COL4A1: variants seen among roughly 807,000 people sequenced by gnomAD.
COL4A1 encodes collagen alpha-1(IV) chain.
COL4A1 carries 40 observed loss-of-function variants against 216.6 expected under a neutral mutation model. That is an observed-to-expected ratio of 0.18 (90% CI 0.14 to 0.24). The LOEUF is 0.24. COL4A1 is among the 10% of genes least tolerant of loss of function. COL4A1 has a pLI of 1.00. For missense variants in COL4A1, 1,628 were observed against 2,196.8 expected, an observed-to-expected ratio of 0.74 and a Z score of 5.18; for synonymous variants, 839 against 810.7, an observed-to-expected ratio of 1.03 and a Z score of -0.59.
chr13:110,276,068 T>C (rs1258822879), intron 1 of COL4A1, among the ~76,000 whole-genome samples: 1 of 149,558 alleles, frequency 6.7e-6, no homozygotes, highest in Non-Finnish European at 1.5e-5. Flanking sequence ...GGACGGGGGA[T>C]AGTGACGTGT....
intron 28 of COL4A1, 27 bp from the exon 29 acceptor site, chr13:110,181,416 AC>A (rs1007190265): frequency 9.1e-6 from 14 of 1,536,438 alleles, no homozygotes; most frequent in Admixed American, 1.7e-5. Context: ...AAAAAAAAAA[AC>A]AAACAAACAA....
At chr13:110,189,035 T>C (rs1020878708) in intron 24 of COL4A1, among the ~76,000 whole-genome samples, 57 of 152,104 alleles carry the variant, frequency 3.7e-4, no homozygotes, top group Admixed American at 3.0e-3. Flanking sequence ...ACTACATTTG[T>C]TTTTGTTTTT....
At chr13:110,178,770 C>G (rs1272935642) in intron 31 of COL4A1, among the ~76,000 whole-genome samples, 153 bp downstream of exon 31, 1 of 152,184 alleles carries the variant, frequency 6.6e-6, no homozygotes, top group Non-Finnish European at 1.5e-5. Flanking sequence ...AGCAAACAAT[C>G]AAACCTATTT....
At chr13:110,215,923 C>A (rs1880050496) in intron 2 of COL4A1, among the ~76,000 whole-genome samples, 1 of 152,214 alleles carries the variant, frequency 6.6e-6, no homozygotes. Context: ...ACGTTATGAA[C>A]CTGGGACTCA....
Position 110,176,991 on chromosome 13 carries a change from G to A in COL4A1, c.2763C>T (p.Gly921=). 1.2e-6 allele frequency: 2 copies of A among 1,614,082 alleles called. No homozygotes were observed. Among genetic ancestry groups the A allele is most frequent in the Non-Finnish European group, 1.7e-6 (2 of 1,180,028 alleles). ...PGSSGPRGDP[G]LKGDKGDVGL... is the part of the protein sequence containing the mutation. The stretch of plus-strand genomic sequence containing the variant: ...CGACATCCCCCTTATCACCTTTCAA[G>A]CCAGGGTCTCCCCTGGGTCCTGAGG... The change falls in exon 34 of 52, where the codon GGC becomes GGT. Residue 921 remains glycine, a synonymous_variant. Transcript: ENST00000375820.
At chr13:110,163,314 A>G in intron 47 of COL4A1, 149 bp downstream of exon 47, 1 of 735,956 alleles carries the variant, frequency 1.4e-6, no homozygotes, top group Non-Finnish European at 2.5e-6. Context: ...CTTCTATTTG[A>G]TTCTATTTCT....
intron 48 of COL4A1, 89 bp downstream of exon 48, chr13:110,162,141 T>TGCA: frequency 8.1e-7 from 1 of 1,227,548 alleles, no homozygotes; most frequent in Non-Finnish European, 1.2e-6. Flanking sequence ...CTGCCCTCAC[T>TGCA]GCAGCAGCAG....
At chr13:110,195,889 G>C (rs1490362018) in intron 21 of COL4A1, among the ~76,000 whole-genome samples, 2 of 152,102 alleles carry the variant, frequency 1.3e-5, no homozygotes, top group Non-Finnish European at 2.9e-5. Flanking sequence ...TCCCTTACAG[G>C]GTCTTCACCT....
intron 1 of COL4A1, among the ~76,000 whole-genome samples, chr13:110,278,731 G>A (rs1315071379): frequency 2.0e-5 from 3 of 151,904 alleles, no homozygotes; most frequent in African/African-American, 2.4e-5. Flanking sequence ...TATTTTCTAT[G>A]TATTCTTTGG....
chr13:110,230,738 C>T (rs1415172771), intron 2 of COL4A1, among the ~76,000 whole-genome samples: 1 of 152,242 alleles, frequency 6.6e-6, no homozygotes, highest in East Asian at 1.9e-4. Context: ...GAAGTCCCCC[C>T]GTGGTATGTT....
intron 50 of COL4A1, 140 bp from the exon 51 acceptor site, chr13:110,152,646 A>T: frequency 9.3e-7 from 1 of 1,073,132 alleles, no homozygotes; most frequent in Admixed American, 2.0e-5. Context: ...CACAGGACAC[A>T]CTCTGTGCCC....
intron 46 of COL4A1, among the ~76,000 whole-genome samples, chr13:110,163,884 A>G (rs1877200653): frequency 6.6e-6 from 1 of 151,954 alleles, no homozygotes; most frequent in African/African-American, 2.4e-5. Context: ...CCTCTCAGCC[A>G]TATACTGGGG....
chr13:110,291,057 G>A (rs368200997), intron 1 of COL4A1, among the ~76,000 whole-genome samples: 19 of 152,232 alleles, frequency 1.2e-4, no homozygotes, highest in Non-Finnish European at 2.4e-4. Context: ...GTGCACAGAC[G>A]TGAGTGTCCT....
At chr13:110,184,707 G>GTGTGTGTGT (rs1566357486) in intron 26 of COL4A1, among the ~76,000 whole-genome samples, 2 of 145,538 alleles carry the variant, frequency 1.4e-5, no homozygotes, top group African/African-American at 5.0e-5. Context: ...TGTGTGTTTT[G>GTGTGTGTGT]TTTGTTTGTT....
intron 1 of COL4A1, among the ~76,000 whole-genome samples, chr13:110,290,350 T>C (rs1388664352): frequency 6.6e-6 from 1 of 152,242 alleles, no homozygotes; most frequent in Non-Finnish European, 1.5e-5. Context: ...ATTCGTTTTA[T>C]CATTAACATG....
At chr13:110,192,776 T>C in intron 23 of COL4A1, 54 bp downstream of exon 23, 1 of 1,489,224 alleles carries the variant, frequency 6.7e-7, no homozygotes, top group South Asian at 1.1e-5. Context: ...ACAGGAAAGA[T>C]GCCAACACAC....
At chr13:110,196,328 T>C (rs1040000080) in intron 21 of COL4A1, among the ~76,000 whole-genome samples, 1 of 152,220 alleles carries the variant, frequency 6.6e-6, no homozygotes, top group African/African-American at 2.4e-5. Context: ...CGTTAGCCCT[T>C]CGACATTGGT....
rs1876560657 is a variant in COL4A1, at chr13:110,152,638, C to T, written c.4756-132G>A. 5.4e-6 allele frequency: 6 copies of T among 1,115,802 alleles called. No homozygotes were observed. In the South Asian group the frequency reaches 8.0e-5, roughly 15 times the overall value. The allele number at this position is 1,115,802 out of a possible 1,614,324, so 69.1% of individuals were successfully genotyped here. On this transcript the variant is annotated intron_variant, in intron 50 of 51. Coordinates refer to ENST00000375820, the MANE Select transcript of COL4A1 (RefSeq NM_001845.6). Reference sequence around the variant, plus strand: ...ACACTGCAGCCTCATGTGGTCACCACAGGACACACTCTGTGCCCAAATTAT... The same window carrying T: ...ACACTGCAGCCTCATGTGGTCACCATAGGACACACTCTGTGCCCAAATTAT...
intron 5 of COL4A1, 26 bp downstream of exon 5, chr13:110,212,548 A>T: frequency 6.2e-7 from 1 of 1,614,158 alleles, no homozygotes; most frequent in Non-Finnish European, 8.5e-7. Context: ...TTCATAAAAG[A>T]AGTAGAGCAC....
Sources: allele counts gnomAD v4.1 joint callset (sites outside exome capture counted in the v4.1 genomes callset), GRCh38; gene constraint gnomAD v4.1.1; transcripts MANE v1.5; gene names NCBI Gene and HGNC (gene_info 2026-07-23, HGNC 2026-07-21).